Variants in MEF2C observed in about 807,000 individuals in gnomAD.
MEF2C encodes myocyte-specific enhancer factor 2C.
MEF2C carries 6 observed loss-of-function variants against 50.5 expected under a neutral mutation model. That is an observed-to-expected ratio of 0.12 (90% CI 0.07 to 0.23). MEF2C has a LOEUF of 0.23. Among genes scored for constraint, MEF2C ranks in the 10% least tolerant of loss-of-function variants. The pLI is 1.00. For missense variants in MEF2C, 276 were observed against 605.0 expected, an observed-to-expected ratio of 0.46 and a Z score of 5.70; for synonymous variants, 183 against 228.0, an observed-to-expected ratio of 0.80 and a Z score of 1.78.
intron 3 of MEF2C, chr5:88,771,320 G>T (rs887755848): frequency 7.1e-6 from 4 of 564,528 alleles, no homozygotes; most frequent in Admixed American, 6.4e-5. Context: ...TTTGATATAC[G>T]CCATTCCATC....
At chr5:88,746,638 T>C in intron 6 of MEF2C, 1 of 985,444 alleles carries the variant, frequency 1.0e-6, no homozygotes, top group Non-Finnish European at 1.2e-6. Context: ...TCTCTGAAAA[T>C]GTAGCAACAT....
intron 6 of MEF2C, chr5:88,733,365 AT>A: frequency 1.0e-6 from 1 of 985,272 alleles, no homozygotes; most frequent in Non-Finnish European, 1.2e-6. Context: ...GGCTGTGGAG[AT>A]CTCAAATTCC....
At chr5:88,741,892 C>T in intron 6 of MEF2C, 2 of 985,298 alleles carry the variant, frequency 2.0e-6, no homozygotes, top group Non-Finnish European at 2.4e-6. Flanking sequence ...TTGGACGTAT[C>T]AGTTGGTTAT....
At chr5:88,747,815 T>G (rs1770638317) in intron 6 of MEF2C, among the ~76,000 whole-genome samples, 1 of 152,210 alleles carries the variant, frequency 6.6e-6, no homozygotes, top group Non-Finnish European at 1.5e-5. Flanking sequence ...CTCACCATTC[T>G]TTCTAATCAT....
intron 10 of MEF2C, among the ~76,000 whole-genome samples, chr5:88,727,371 CAG>C (rs2152165827): frequency 6.6e-6 from 1 of 152,174 alleles, no homozygotes; most frequent in African/African-American, 2.4e-5. Context: ...CATAAGCAAA[CAG>C]TGTACGGGTG....
chr5:88,753,241 A>G (rs2152538654), intron 4 of MEF2C, among the ~76,000 whole-genome samples: 1 of 151,952 alleles, frequency 6.6e-6, no homozygotes, highest in East Asian at 1.9e-4. Context: ...TTCTTTGTTT[A>G]TGTTTATGCT....
At chr5:88,824,923 G>A (rs1306520472) in intron 1 of MEF2C, 1 of 151,816 alleles carries the variant, frequency 6.6e-6, no homozygotes, top group Non-Finnish European at 1.5e-5. Context: ...TGAACACAAC[G>A]GAAGTTAATT....
chr5:88,728,700 A>C, intron 9 of MEF2C, 72 bp from the exon 10 acceptor site: 1 of 1,119,400 alleles, frequency 8.9e-7, no homozygotes, highest in Non-Finnish European at 1.2e-6. Context: ...TAGAATAAAC[A>C]TTTTCAATTT....
Position 88,728,611 on chromosome 5 carries a change from C to T in MEF2C, c.982G>A (p.Ala328Thr). Residue 328 changes from alanine (A) to threonine (T), a missense_variant, in exon 10 of 11, where the codon GCA becomes ACA. This residue lies in a region of MEF2C where 256 missense variants were observed against 468.1 expected (regional missense o/e 0.55). Coordinates refer to ENST00000504921, the MANE Select transcript of MEF2C (RefSeq NM_002397.5). ...TYGTEYSLSS[A>T]DLSSLSGFNT... ...AACCCAGACAGAGATGACAGGTCTG[C>T]ACTACTCAGAGAGTACTCTAGATTA... 1.3e-6 allele frequency: 2 copies of T among 1,505,706 alleles called. No individual in the cohort carries two copies. Among genetic ancestry groups the T allele is most frequent in the Non-Finnish European group, 1.8e-6 (2 of 1,123,742 alleles). The allele number at this position is 1,505,706 out of a possible 1,614,324, so 93.3% of individuals were successfully genotyped here.
intron 1 of MEF2C, among the ~76,000 whole-genome samples, chr5:88,847,999 A>G (rs1243697340): frequency 6.6e-6 from 1 of 152,202 alleles, no homozygotes; most frequent in African/African-American, 2.4e-5. Flanking sequence ...ACATAACTAA[A>G]AAGTGGGAAT....
intron 1 of MEF2C, among the ~76,000 whole-genome samples, chr5:88,864,159 T>TC (rs1826473457): frequency 6.6e-6 from 1 of 151,444 alleles, no homozygotes; most frequent in Non-Finnish European, 1.5e-5. Flanking sequence ...TTGTTTTTTT[T>TC]TTTAAGGCTG....
intron 3 of MEF2C, among the ~76,000 whole-genome samples, chr5:88,802,439 G>GT (rs774868478): frequency 2.0e-5 from 3 of 152,096 alleles, no homozygotes. Flanking sequence ...TATGAAGTGG[G>GT]TTTTTTTGTT....
At chr5:88,738,472 T>C (rs1265512518) in intron 6 of MEF2C, 1 of 872,480 alleles carries the variant, frequency 1.1e-6, no homozygotes. Context: ...CTATGAAAAA[T>C]GAGAAATGAG....
chr5:88,801,426 C>A (rs1001985889), intron 3 of MEF2C, among the ~76,000 whole-genome samples: 1 of 152,036 alleles, frequency 6.6e-6, no homozygotes, highest in Admixed American at 6.5e-5. Flanking sequence ...GTCTTTGCCT[C>A]CAGCACAATT....
intron 1 of MEF2C, among the ~76,000 whole-genome samples, chr5:88,903,497 A>T (rs1412411758): frequency 2.0e-5 from 3 of 152,048 alleles, no homozygotes; most frequent in African/African-American, 7.2e-5. Context: ...CAGTACATGT[A>T]ATTTTTGAAA....
At chr5:88,873,708 A>ATTTTTTTTTTTTTTT (rs199642010) in intron 1 of MEF2C, among the ~76,000 whole-genome samples, 2 of 93,812 alleles carry the variant, frequency 2.1e-5, no homozygotes, top group Non-Finnish European at 2.0e-5. Flanking sequence ...GTCGTCACGG[A>ATTTTTTTTTTTTTTT]TTTTTTTTTT....
intron 1 of MEF2C, among the ~76,000 whole-genome samples, chr5:88,847,495 C>G (rs1302363459): frequency 6.6e-6 from 1 of 152,116 alleles, no homozygotes; most frequent in Non-Finnish European, 1.5e-5. Context: ...CACTTACATA[C>G]TTTAATTCAC....
chr5:88,859,938 G>A (rs1368086276), intron 1 of MEF2C, among the ~76,000 whole-genome samples: 2 of 152,160 alleles, frequency 1.3e-5, no homozygotes, highest in Admixed American at 6.5e-5. Context: ...CATAAAGTTC[G>A]ATAGGGCAAT....
At chr5:88,838,556 A>G (rs1816070650) in intron 1 of MEF2C, 2 of 984,304 alleles carry the variant, frequency 2.0e-6, no homozygotes, top group African/African-American at 1.7e-5. Context: ...AGAATTACAC[A>G]GAATTCTCAT....
Sources: gnomAD v4.1 joint callset for allele counts (sites outside exome capture counted in the v4.1 genomes callset) on GRCh38, gnomAD v4.1.1 for gene constraint, gnomAD v4.1.1 regional missense constraint, MANE v1.5 for transcripts, NCBI Gene and HGNC (gene_info 2026-07-23, HGNC 2026-07-21) for gene names.